The following PRKCE variants were observed in gnomAD, a reference collection of about 807,000 sequenced individuals.
PRKCE encodes protein kinase C epsilon type.
PRKCE carries 16 observed loss-of-function variants against 85.4 expected under a neutral mutation model. That is an observed-to-expected ratio of 0.19 (90% confidence interval 0.13 to 0.28). The LOEUF is 0.28. PRKCE is among the 10% of genes least tolerant of loss of function. PRKCE has a pLI of 1.00. For missense variants in PRKCE, 573 were observed against 975.2 expected, an observed-to-expected ratio of 0.59 and a Z score of 5.49; for synonymous variants, 388 against 371.5, an observed-to-expected ratio of 1.04 and a Z score of -0.51.
At chr2:45,970,803 T>C (rs753891798) in intron 2 of PRKCE, among the ~76,000 whole-genome samples, 24 of 151,504 alleles carry the variant, frequency 1.6e-4, no homozygotes, top group Non-Finnish European at 2.1e-4. Flanking sequence ...GAAGTGTCAC[T>C]ACGTCTATAA....
chr2:45,711,742 A>C (rs1001206606), intron 1 of PRKCE, among the ~76,000 whole-genome samples: 1 of 152,030 alleles, frequency 6.6e-6, no homozygotes, highest in Non-Finnish European at 1.5e-5. Flanking sequence ...ATTCTGCCTC[A>C]GCCTCCCGAC....
chr2:46,109,685 C>T (rs1456142581), intron 11 of PRKCE, among the ~76,000 whole-genome samples: 1 of 151,980 alleles, frequency 6.6e-6, no homozygotes, highest in Non-Finnish European at 1.5e-5. Context: ...AATCTGCACA[C>T]CTTTTATTTT....
In PRKCE at chr2:46,155,721, C is replaced by G. The variant is rs568474442; in HGVS notation, c.1921-3885C>G. Among the ~76,000 whole-genome samples the G allele has an allele frequency of 6.6e-6, 1 of 152,164 alleles. No homozygotes were observed. The highest frequency in any genetic ancestry group is 1.5e-5 in the Non-Finnish European group (1 of 68,028). On this transcript the variant is annotated intron_variant, in intron 13 of 14. Transcript: ENST00000306156. The surrounding 1 kb of genome is among the most constrained non-coding windows in gnomAD (Gnocchi z 4.7). ...AGACCAGAAATGGGGTGCAATCCCT[C>G]TCTCCCCATCACAGCTAGTCATCAA...
intron 10 of PRKCE, among the ~76,000 whole-genome samples, chr2:46,049,592 G>A (rs1380746131): frequency 6.6e-6 from 1 of 152,208 alleles, no homozygotes; most frequent in African/African-American, 2.4e-5. Context: ...AGCTGCAGGT[G>A]TAATACCCGC....
intron 10 of PRKCE, among the ~76,000 whole-genome samples, chr2:46,037,654 C>T (rs1707953065): frequency 1.3e-5 from 2 of 152,198 alleles, no homozygotes. Context: ...ACAACCGCAA[C>T]TCCCAATCCT....
intron 2 of PRKCE, among the ~76,000 whole-genome samples, chr2:45,862,181 TATACACACACAC>T (rs1693213103): frequency 1.5e-5 from 2 of 137,540 alleles, no homozygotes; most frequent in South Asian, 2.3e-4. Flanking sequence ...TTTCTTCTTG[TATACACACACAC>T]ACACACACAC....
intron 4 of PRKCE, among the ~76,000 whole-genome samples, chr2:45,979,768 C>T (rs902275834): frequency 3.3e-5 from 5 of 152,146 alleles, no homozygotes; most frequent in Admixed American, 2.0e-4. Flanking sequence ...CTCCATGACA[C>T]TAACAACACA....
intron 2 of PRKCE, among the ~76,000 whole-genome samples, chr2:45,929,302 A>C (rs977599085): frequency 5.9e-5 from 9 of 152,258 alleles, no homozygotes; most frequent in Admixed American, 2.0e-4. Context: ...GTTGTGCTTT[A>C]GTCTTAATCT....
chr2:45,689,895 C>G (rs1368948884), intron 1 of PRKCE, among the ~76,000 whole-genome samples: 1 of 139,290 alleles, frequency 7.2e-6, no homozygotes, highest in Non-Finnish European at 1.5e-5. Flanking sequence ...GAGCAAGACT[C>G]CATCTCAAAA....
At chr2:45,796,381 C>T (rs1231744779) in intron 1 of PRKCE, among the ~76,000 whole-genome samples, 1 of 152,198 alleles carries the variant, frequency 6.6e-6, no homozygotes, top group Non-Finnish European at 1.5e-5. Context: ...ATTTCTACTT[C>T]TTAGGGATGT....
intron 1 of PRKCE, among the ~76,000 whole-genome samples, chr2:45,727,367 C>G (rs758659926): frequency 6.6e-6 from 1 of 152,148 alleles, no homozygotes; most frequent in Non-Finnish European, 1.5e-5. Context: ...TGTGTATGTC[C>G]AACCAGTGCA....
intron 2 of PRKCE, among the ~76,000 whole-genome samples, chr2:45,928,211 G>T (rs1268519603): frequency 2.0e-5 from 3 of 152,172 alleles, no homozygotes; most frequent in African/African-American, 7.2e-5. Context: ...TTTGCTTGTG[G>T]TGTGTGACCA....
chr2:45,711,905 G>T (rs931053650), intron 1 of PRKCE, among the ~76,000 whole-genome samples: 1 of 152,178 alleles, frequency 6.6e-6, no homozygotes, highest in African/African-American at 2.4e-5. Flanking sequence ...TTACAGGCAT[G>T]AGCCAACACG....
intron 1 of PRKCE, among the ~76,000 whole-genome samples, chr2:45,764,559 G>C: frequency 6.6e-6 from 1 of 152,226 alleles, no homozygotes; most frequent in East Asian, 1.9e-4. Context: ...GCATGGCCCC[G>C]AAACCAGACA....
At chr2:45,839,712 G>T (rs1404063006) in intron 1 of PRKCE, among the ~76,000 whole-genome samples, 1 of 152,180 alleles carries the variant, frequency 6.6e-6, no homozygotes, top group African/African-American at 2.4e-5. Flanking sequence ...CGGTGAAGTT[G>T]TGCCACACTC....
intron 14 of PRKCE, among the ~76,000 whole-genome samples, chr2:46,178,776 G>C (rs1420845774): frequency 6.6e-6 from 1 of 152,182 alleles, no homozygotes; most frequent in Admixed American, 6.5e-5. Context: ...GCCAATGAAC[G>C]TTAAGTATCT....
At chr2:45,672,961 A>C (rs1676247349) in intron 1 of PRKCE, among the ~76,000 whole-genome samples, 1 of 152,168 alleles carries the variant, frequency 6.6e-6, no homozygotes, top group South Asian at 2.1e-4. Context: ...CAGGAGTTTG[A>C]GGCTGTGGTG....
At chr2:45,676,950 A>G (rs912635445) in intron 1 of PRKCE, 1 of 152,226 alleles carries the variant, frequency 6.6e-6, no homozygotes, top group Non-Finnish European at 1.5e-5. Context: ...CAAACAGGCA[A>G]TTATGACATA....
intron 2 of PRKCE, among the ~76,000 whole-genome samples, chr2:45,871,305 G>A (rs967593785): frequency 6.6e-6 from 1 of 152,198 alleles, no homozygotes; most frequent in African/African-American, 2.4e-5. Flanking sequence ...AGGTCATGCA[G>A]GTTCACACGT....
Sources: gnomAD v4.1 joint callset for allele counts (sites outside exome capture counted in the v4.1 genomes callset) on GRCh38, gnomAD v4.1.1 for gene constraint, Gnocchi (gnomAD v3.1) non-coding constraint, MANE v1.5 for transcripts, NCBI Gene and HGNC (gene_info 2026-07-23, HGNC 2026-07-21) for gene names.